CACNA2D3: variants seen among roughly 807,000 people sequenced by gnomAD.
The protein encoded by CACNA2D3 is voltage-dependent calcium channel subunit alpha-2/delta-3.
Under a neutral mutation model 160.6 loss-of-function variants are expected in CACNA2D3, and 60 were observed. That is an observed-to-expected ratio of 0.37 (90% CI 0.30 to 0.46). The LOEUF is 0.46. Ranked by LOEUF, CACNA2D3 falls within the 20% of genes least tolerant of loss-of-function variation. CACNA2D3 has a pLI of 1.00. For missense variants in CACNA2D3, 1,205 were observed against 1,365.0 expected, an observed-to-expected ratio of 0.88 and a Z score of 1.85; for synonymous variants, 558 against 492.9, an observed-to-expected ratio of 1.13 and a Z score of -1.75.
intron 11 of CACNA2D3, among the ~76,000 whole-genome samples, chr3:54,686,755 G>A (rs1006604477): frequency 2.0e-5 from 3 of 152,250 alleles, no homozygotes; most frequent in African/African-American, 7.2e-5. Context: ...GCTCTGTGAA[G>A]ATGGCTTTTT....
intron 4 of CACNA2D3, among the ~76,000 whole-genome samples, chr3:54,441,004 T>G (rs1241045992): frequency 2.0e-5 from 3 of 152,106 alleles, no homozygotes; most frequent in African/African-American, 7.2e-5. Flanking sequence ...AAATACCCAG[T>G]AATGGGATGG....
intron 4 of CACNA2D3, among the ~76,000 whole-genome samples, chr3:54,444,504 T>C (rs1004118513): frequency 7.9e-5 from 12 of 152,204 alleles, no homozygotes; most frequent in Non-Finnish European, 1.5e-4. Flanking sequence ...GGTCTTGTGA[T>C]GTGGTGGGCC....
At chr3:54,758,605 G>A (rs2107082269) in intron 12 of CACNA2D3, among the ~76,000 whole-genome samples, 1 of 152,242 alleles carries the variant, frequency 6.6e-6, no homozygotes, top group South Asian at 2.1e-4. Context: ...TGACAGGGAG[G>A]AGGAGGAAGA....
intron 5 of CACNA2D3, among the ~76,000 whole-genome samples, chr3:54,524,212 T>C (rs1434713085): frequency 2.0e-5 from 3 of 152,148 alleles, no homozygotes; most frequent in Admixed American, 6.5e-5. Context: ...TTGTTTTCAT[T>C]TATCTCAAAA....
chr3:54,149,523 GGTGT>G (rs913510843), intron 2 of CACNA2D3, among the ~76,000 whole-genome samples: 8 of 151,966 alleles, frequency 5.3e-5, no homozygotes, highest in Non-Finnish European at 7.4e-5. Flanking sequence ...GATGAGGAAG[GGTGT>G]GGGTTCCGGG....
intron 11 of CACNA2D3, among the ~76,000 whole-genome samples, chr3:54,750,445 A>G (rs982535604): frequency 5.9e-5 from 9 of 152,204 alleles, no homozygotes; most frequent in African/African-American, 2.2e-4. Context: ...GTCTGGTCTC[A>G]AGAGACTTGA....
At chr3:55,019,951 G>A (rs963070995) in intron 35 of CACNA2D3, among the ~76,000 whole-genome samples, 2 of 152,030 alleles carry the variant, frequency 1.3e-5, no homozygotes, top group African/African-American at 4.8e-5. Flanking sequence ...GGAGCATTCA[G>A]TACATTCACA....
chr3:54,483,074 G>A (rs937924197), intron 4 of CACNA2D3, among the ~76,000 whole-genome samples: 2 of 152,156 alleles, frequency 1.3e-5, no homozygotes, highest in Non-Finnish European at 2.9e-5. Flanking sequence ...GAATGAATGA[G>A]TGATGAATCC....
chr3:54,573,048 A>G (rs1436544363), intron 8 of CACNA2D3, among the ~76,000 whole-genome samples: 1 of 152,206 alleles, frequency 6.6e-6, no homozygotes, highest in Non-Finnish European at 1.5e-5. Context: ...GAGTTAAGAA[A>G]AAAAATTTTT....
intron 2 of CACNA2D3, among the ~76,000 whole-genome samples, chr3:54,186,754 A>G (rs1474453654): frequency 6.6e-6 from 1 of 152,174 alleles, no homozygotes; most frequent in East Asian, 1.9e-4. Context: ...AACTGAGTTA[A>G]TATTAAAATA....
Position 54,188,243 on chromosome 3 carries a change from A to G in CACNA2D3, c.204+64649A>G, listed in dbSNP as rs879624517. 3.0e-3 allele frequency among the ~76,000 whole-genome samples: 457 copies of G among 151,324 alleles called. 3 individuals carry two copies. The highest frequency in any genetic ancestry group is 4.9e-3 in the Non-Finnish European group (330 of 67,918). On this transcript the variant is annotated intron_variant, in intron 2 of 37. Coordinates refer to ENST00000474759, the MANE Select transcript of CACNA2D3 (RefSeq NM_018398.3). ...GGAGAACTTAAAAACAAACAAACAAACAAACAAACAAACAAACAAACAAAC... is the reference window on the plus strand; with the variant it reads ...GGAGAACTTAAAAACAAACAAACAAGCAAACAAACAAACAAACAAACAAAC...
intron 2 of CACNA2D3, among the ~76,000 whole-genome samples, chr3:54,175,034 A>G (rs1559872238): frequency 6.6e-6 from 1 of 152,144 alleles, no homozygotes; most frequent in Non-Finnish European, 1.5e-5. Flanking sequence ...CTCCATCTGC[A>G]CAGTTGGATT....
rs1328931367 is a variant in CACNA2D3 at position 54,126,633 on chromosome 3, A to C, written c.204+3039A>C. Among the ~76,000 whole-genome samples the C allele has an allele frequency of 3.3e-5, 5 of 152,052 alleles. 1 individual carries two copies. The South Asian group carries it at 1.0e-3, about 32-fold the overall frequency. The stretch of plus-strand genomic sequence containing the variant: ...AAACGCAGTAAGCCATCTTTTAGGA[A>C]ATTTGTCTGTTTTCAGTACAGAATG... On this transcript the variant is annotated intron_variant, in intron 2 of 37. Coordinates refer to ENST00000474759, the MANE Select transcript of CACNA2D3 (RefSeq NM_018398.3).
chr3:54,187,976 G>A lies in CACNA2D3; in HGVS notation c.204+64382G>A, dbSNP rs186906054. On this transcript the variant is annotated intron_variant, in intron 2 of 37. Coordinates refer to ENST00000474759, the MANE Select transcript of CACNA2D3 (RefSeq NM_018398.3). ...GGATGACCTGATGTTTATCATACAG[G>A]GAGGGAGGGTGCCAGGCACTCTTAT... Among the ~76,000 whole-genome samples the A allele has an allele frequency of 1.1e-4, 16 of 152,194 alleles. No homozygotes were observed. In the East Asian group the frequency reaches 1.9e-3, roughly 18 times the overall value.
intron 23 of CACNA2D3, among the ~76,000 whole-genome samples, chr3:54,887,136 C>G (rs1050462599): frequency 6.6e-6 from 1 of 152,014 alleles, no homozygotes; most frequent in Non-Finnish European, 1.5e-5. Context: ...TAAAATGAAA[C>G]AATTCTTGGC....
chr3:54,438,054 A>G (rs1177347141), intron 4 of CACNA2D3, among the ~76,000 whole-genome samples: 2 of 152,202 alleles, frequency 1.3e-5, no homozygotes, highest in East Asian at 1.9e-4. Flanking sequence ...AACTAGAGTT[A>G]TAAAAAAAAC....
intron 29 of CACNA2D3, 31 bp from the exon 30 acceptor site, chr3:54,984,577 T>G: frequency 7.4e-7 from 1 of 1,352,812 alleles, no homozygotes; most frequent in Non-Finnish European, 1.0e-6. Context: ...GAAGCTGTTT[T>G]TTTGTTTTTG....
intron 9 of CACNA2D3, among the ~76,000 whole-genome samples, chr3:54,612,060 C>G (rs1460397390): frequency 6.6e-6 from 1 of 152,174 alleles, no homozygotes; most frequent in Non-Finnish European, 1.5e-5. Context: ...TCTGTTCATT[C>G]TACTAGTTGG....
At chr3:54,375,171 C>T (rs1246266538) in intron 3 of CACNA2D3, among the ~76,000 whole-genome samples, 1 of 152,078 alleles carries the variant, frequency 6.6e-6, no homozygotes, top group Non-Finnish European at 1.5e-5. Context: ...CTAGTTGCTC[C>T]CTTGGTGGTA....
Sources: gnomAD v4.1 joint callset for allele counts (sites outside exome capture counted in the v4.1 genomes callset) on GRCh38, gnomAD v4.1.1 for gene constraint, MANE v1.5 for transcripts, NCBI Gene and HGNC (gene_info 2026-07-23, HGNC 2026-07-21) for gene names.